The following LPGAT1 variants were observed in gnomAD, a reference collection of about 807,000 sequenced individuals.
LPGAT1 encodes acyl-CoA:lysophosphatidylglycerol acyltransferase 1.
In LPGAT1, 11 loss-of-function variants were observed where a neutral mutation model predicts 47.5. The observed-to-expected ratio is 0.23, with a 90% CI of 0.15 to 0.38. The LOEUF is 0.38. Among genes scored for constraint, LPGAT1 ranks in the 10% least tolerant of loss-of-function variants. The pLI is 1.00. For synonymous variants in LPGAT1, 138 were observed against 144.2 expected (o/e 0.96, Z 0.31); for missense variants, 293 against 439.0 (o/e 0.67, Z 2.97).
chr1:211,824,701 T>C (rs1313700778), intron 2 of LPGAT1, among the ~76,000 whole-genome samples: 1 of 152,240 alleles, frequency 6.6e-6, no homozygotes, highest in Non-Finnish European at 1.5e-5. Flanking sequence ...TGATATATTC[T>C]ATTGAATTCT....
At chr1:211,775,438 C>G (rs746836716) in intron 6 of LPGAT1, among the ~76,000 whole-genome samples, 15 of 152,220 alleles carry the variant, frequency 9.9e-5, no homozygotes, top group Non-Finnish European at 1.8e-4. Flanking sequence ...AATATCCCAG[C>G]CACCCAGAGC....
intron 6 of LPGAT1, among the ~76,000 whole-genome samples, chr1:211,752,878 G>A (rs1439455598): frequency 6.6e-6 from 1 of 151,390 alleles, no homozygotes; most frequent in Non-Finnish European, 1.5e-5. Context: ...CTTGAATCTT[G>A]TTATTTAAAG....
intron 1 of LPGAT1, chr1:211,829,624 C>A (rs1315639022): frequency 2.6e-6 from 3 of 1,147,412 alleles, no homozygotes; most frequent in East Asian, 1.1e-4. Context: ...TGTCTCACTG[C>A]GGTCGTCTAT....
chr1:211,818,292 T>A (rs1478486720), intron 2 of LPGAT1, among the ~76,000 whole-genome samples: 1 of 152,132 alleles, frequency 6.6e-6, no homozygotes, highest in Non-Finnish European at 1.5e-5. Flanking sequence ...GTATCCTTAA[T>A]AAGTAAAGTA....
At chr1:211,815,773 C>CTTTTTTTT (rs938719098) in intron 2 of LPGAT1, among the ~76,000 whole-genome samples, 10 of 101,846 alleles carry the variant, frequency 9.8e-5, no homozygotes, top group East Asian at 3.0e-4. Context: ...AAATGCTTTT[C>CTTTTTTTT]TTTTTTTTTT....
intron 5 of LPGAT1, among the ~76,000 whole-genome samples, chr1:211,782,557 G>C (rs1658685513): frequency 6.6e-6 from 1 of 152,106 alleles, no homozygotes; most frequent in Non-Finnish European, 1.5e-5. Flanking sequence ...AACACAGTGA[G>C]ACCCCATCTC....
chr1:211,810,783 G>A lies in LPGAT1; in HGVS notation c.239-17593C>T, dbSNP rs1659960167. On this transcript the variant is annotated intron_variant, in intron 2 of 7. Transcript: ENST00000366997. ...AGGGAAGAGATACAAAAGACAGCGA[G>A]AACATGCCCGGGTAGTAACCTTCCT... Among the ~76,000 whole-genome samples, 2 of 152,300 alleles carry A rather than the reference G, an allele frequency of 1.3e-5. 1 individual carries two copies. Among genetic ancestry groups the A allele is most frequent in the South Asian group, 4.1e-4 (2 of 4,826 alleles).
chr1:211,818,478 T>A (rs1660257452), intron 2 of LPGAT1, among the ~76,000 whole-genome samples: 1 of 152,174 alleles, frequency 6.6e-6, no homozygotes, highest in South Asian at 2.1e-4. Context: ...TTGTGAAATC[T>A]CCCTAATTTG....
chr1:211,763,434 C>T (rs966372781), intron 6 of LPGAT1, among the ~76,000 whole-genome samples: 6 of 152,178 alleles, frequency 3.9e-5, no homozygotes, highest in Admixed American at 6.5e-5. Flanking sequence ...ACAAGGCTCT[C>T]ACCAGAAGCC....
chr1:211,824,451 C>T (rs1660470466), intron 2 of LPGAT1, among the ~76,000 whole-genome samples: 1 of 152,102 alleles, frequency 6.6e-6, no homozygotes, highest in African/African-American at 2.4e-5. Context: ...ACTCTGTGAG[C>T]ATCAGGTAAC....
At chr1:211,823,634 G>A (rs111532471) in intron 2 of LPGAT1, among the ~76,000 whole-genome samples, 3 of 152,162 alleles carry the variant, frequency 2.0e-5, no homozygotes, top group African/African-American at 7.2e-5. Context: ...GTTCAATAAA[G>A]GTGTGTTAAA....
chr1:211,787,587 A>G (rs1452222023), intron 4 of LPGAT1, 45 bp downstream of exon 4: 1 of 1,075,308 alleles, frequency 9.3e-7, no homozygotes, highest in Non-Finnish European at 1.4e-6. Context: ...TCAAGAATCA[A>G]TTTGACCAGG....
chr1:211,762,781 C>T (rs536720163), intron 6 of LPGAT1, among the ~76,000 whole-genome samples: 58 of 152,232 alleles, frequency 3.8e-4, no homozygotes, highest in African/African-American at 1.4e-3. Flanking sequence ...GATGAAATTA[C>T]ACTTTCAAAA....
In LPGAT1 at chr1:211,760,451, G is replaced by A. The variant is rs1025706241; in HGVS notation, c.855-9384C>T. Among the ~76,000 whole-genome samples the A allele has an allele frequency of 3.9e-5, 6 of 152,132 alleles. No homozygotes were observed. In the South Asian group the frequency reaches 1.0e-3, roughly 26 times the overall value. ...GCCTGGGCAACAATAGCAAAACTCC[G>A]TCCCCCCAACCCCCCTCAAAAAAGA... On this transcript the variant is annotated intron_variant, in intron 6 of 7. Coordinates refer to ENST00000366997, the MANE Select transcript of LPGAT1 (RefSeq NM_014873.3).
intron 2 of LPGAT1, among the ~76,000 whole-genome samples, chr1:211,822,200 C>T (rs1479624543): frequency 6.6e-6 from 1 of 152,132 alleles, no homozygotes; most frequent in African/African-American, 2.4e-5. Context: ...AAATACTGCC[C>T]CCTGAGCTTC....
intron 2 of LPGAT1, among the ~76,000 whole-genome samples, chr1:211,812,242 CT>C (rs1430768775): frequency 6.6e-6 from 1 of 152,028 alleles, no homozygotes; most frequent in Non-Finnish European, 1.5e-5. Context: ...AACAAAAAGT[CT>C]TATCAAAGGA....
chr1:211,748,857 A>C lies in LPGAT1; in HGVS notation c.*1042T>G, dbSNP rs1157811102. 6.6e-6 allele frequency: 1 copy of C among 152,536 alleles called. No homozygotes were observed. Among genetic ancestry groups the C allele is most frequent in the African/African-American group, 2.4e-5 (1 of 41,454 alleles). 9.4% of individuals were successfully genotyped at this position (152,536 alleles called of 1,614,324 possible). A position where few individuals can be genotyped will look rare whatever the true frequency, so the allele number is the denominator to read the frequency against. On this transcript the variant is annotated 3_prime_UTR_variant, in exon 8 of 8. Coordinates refer to ENST00000366997, the MANE Select transcript of LPGAT1 (RefSeq NM_014873.3). ...CACATGAGAACCTGTCACCATTATA[A>C]GCCACTAGCTCTTATTTTTCTATAA...
At position 211,783,359 on chromosome 1, in the gene LPGAT1, G is replaced by C. The variant is rs758781916; in HGVS notation, c.597C>G (p.Ala199=). 5 of 1,613,936 alleles carry C rather than the reference G, an allele frequency of 3.1e-6. No individual in the cohort carries two copies. The African/African-American group carries it at 6.7e-5, about 22-fold the overall frequency. ...TAAGAAATGGCAAGTTATTTTTCTT[G>C]GCAAATGCCTGACTTGTTTCTCGCC... is the stretch of plus-strand genomic sequence containing the variant. ...RKRRETSQAF[A]KKNNLPFLTN... is the part of the protein sequence containing the mutation. Residue 199 remains alanine (A), a synonymous_variant, in exon 5 of 8, where the codon GCC becomes GCG. Coordinates refer to ENST00000366997, the MANE Select transcript of LPGAT1 (RefSeq NM_014873.3).
At chr1:211,781,895 T>C (rs1203644863) in intron 5 of LPGAT1, among the ~76,000 whole-genome samples, 2 of 152,180 alleles carry the variant, frequency 1.3e-5, no homozygotes, top group Non-Finnish European at 2.9e-5. Context: ...GATAGTTGCA[T>C]CTCTGAGAAT....
Sources: gnomAD v4.1 joint callset for allele counts (sites outside exome capture counted in the v4.1 genomes callset) on GRCh38, gnomAD v4.1.1 for gene constraint, MANE v1.5 for transcripts, NCBI Gene and HGNC (gene_info 2026-07-23, HGNC 2026-07-21) for gene names.